TNIP1: variants seen among roughly 807,000 people sequenced by gnomAD.
TNIP1 encodes the protein TNFAIP3 interacting protein 1.
A neutral mutation model predicts 86.6 loss-of-function variants in TNIP1; 22 were observed. That is an observed-to-expected ratio of 0.25 (90% confidence interval 0.18 to 0.36). TNIP1 has a LOEUF of 0.36. TNIP1 is among the 10% of genes least tolerant of loss of function. TNIP1 has a pLI of 1.00. For synonymous variants in TNIP1, 294 were observed against 313.0 expected (o/e 0.94, Z 0.64); for missense variants, 709 against 820.6 (o/e 0.86, Z 1.66).
At chr5:151,066,522 A>G (rs1762255323) in intron 1 of TNIP1, among the ~76,000 whole-genome samples, 1 of 152,222 alleles carries the variant, frequency 6.6e-6, no homozygotes, top group Non-Finnish European at 1.5e-5. Flanking sequence ...CTGCCAGGTG[A>G]CTACGACCAT....
chr5:151,079,126 G>C (rs1230891926), intron 1 of TNIP1, among the ~76,000 whole-genome samples: 4 of 152,170 alleles, frequency 2.6e-5, no homozygotes, highest in Admixed American at 2.6e-4. Flanking sequence ...CACACTCCCA[G>C]CGGCAGCTTC....
At chr5:151,052,357 G>A (rs2113556175) in intron 6 of TNIP1, 98 bp from the exon 7 acceptor site, 2 of 978,712 alleles carry the variant, frequency 2.0e-6, no homozygotes, top group Non-Finnish European at 3.1e-6. Flanking sequence ...GCCACCCCAG[G>A]GCCCAACTCC....
At chr5:151,048,750 G>A (rs1020259531) in intron 8 of TNIP1, among the ~76,000 whole-genome samples, 1 of 152,208 alleles carries the variant, frequency 6.6e-6, no homozygotes, top group Non-Finnish European at 1.5e-5. Context: ...CCTTCCACAA[G>A]AGGGCAGACA....
At chr5:151,083,080 A>G (rs1006421302), upstream of TNIP1, among the ~76,000 whole-genome samples, 1 of 152,294 alleles carries the variant, frequency 6.6e-6, no homozygotes, top group East Asian at 1.9e-4. Flanking sequence ...TTGTCTTTAC[A>G]ATGACATGAT....
chr5:151,038,963 G>A (rs544960035), intron 12 of TNIP1, 134 bp downstream of exon 12: 45 of 1,250,214 alleles, frequency 3.6e-5, no homozygotes, highest in South Asian at 3.1e-4. Context: ...CAGAGCAGGC[G>A]GGAAACAGGA....
chr5:151,078,468 CAAAT>C (rs1408207636), intron 1 of TNIP1: 2 of 152,154 alleles, frequency 1.3e-5, no homozygotes, highest in African/African-American at 2.4e-5. Flanking sequence ...AGACAGTAAA[CAAAT>C]AAACACTAAA....
At chr5:151,060,851 C>T (rs555860214) in intron 4 of TNIP1, among the ~76,000 whole-genome samples, 1 of 152,344 alleles carries the variant, frequency 6.6e-6, no homozygotes. Flanking sequence ...TCCAGCATTC[C>T]TGCCACGGCC....
rs143845491 is a variant in TNIP1, at chr5:151,070,102, T to G, written c.-36-4971A>C. On this transcript the variant is annotated intron_variant, in intron 1 of 17. Coordinates refer to ENST00000521591, the MANE Select transcript of TNIP1 (RefSeq NM_006058.5). ...CCCTGGAGCAGCCACTCACCTTTCCTGAGCCTCAGGTGCCTCATCTGTAAA... is the reference window on the plus strand; with the variant it reads ...CCCTGGAGCAGCCACTCACCTTTCCGGAGCCTCAGGTGCCTCATCTGTAAA... Among the ~76,000 whole-genome samples, 1,356 of 152,338 alleles carry G rather than the reference T, an allele frequency of 8.9e-3. 8 individuals carry two copies. The highest frequency in any genetic ancestry group is 0.012 in the Non-Finnish European group (848 of 68,024).
rs139151510 is a variant in TNIP1, at chr5:151,039,284, TTC to T, written c.1135-61_1135-60del. 1.5e-4 allele frequency: 235 copies of T among 1,557,026 alleles called. 2 individuals carry two copies. In the African/African-American group the frequency reaches 3.0e-3, roughly 20 times the overall value. On this transcript the variant is annotated intron_variant, in intron 11 of 17. Transcript: ENST00000521591. ...GATGGCCTCTCCAGGAGGCCTCGGA[TTC>T]TCTGTCCTGCCTGGCCCAGCCCTTA...
chr5:151,078,304 A>C (rs2113834948), intron 1 of TNIP1: 1 of 152,218 alleles, frequency 6.6e-6, no homozygotes, highest in East Asian at 1.9e-4. Context: ...TCTAGGCCTT[A>C]ATTTCCTCAT....
In TNIP1 at chr5:151,030,179, C is replaced by A; in HGVS notation, c.*534G>T. On this transcript the variant is annotated 3_prime_UTR_variant, in exon 18 of 18. Transcript: ENST00000521591. ...CTACTGTGAGTGGTGGTGGAGAGGG[C>A]CCCAGAGCCAGAATATCCATCATTC... 1 of 456,454 alleles carries A rather than the reference C, an allele frequency of 2.2e-6. No individual in the cohort carries two copies. Among genetic ancestry groups the A allele is most frequent in the Non-Finnish European group, 4.4e-6 (1 of 226,642 alleles). The allele number at this position is 456,454 out of a possible 1,614,324, so 28.3% of individuals were successfully genotyped here.
chr5:151,060,495 C>G, intron 4 of TNIP1, 100 bp from the exon 5 acceptor site: 2 of 1,008,880 alleles, frequency 2.0e-6, no homozygotes, highest in Non-Finnish European at 3.1e-6. Flanking sequence ...AAATCTCTTC[C>G]CATTTTGAGT....
At chr5:151,078,851 G>A (rs1763682679) in intron 1 of TNIP1, among the ~76,000 whole-genome samples, 2 of 152,200 alleles carry the variant, frequency 1.3e-5, no homozygotes, top group South Asian at 4.1e-4. Flanking sequence ...CAGTGGGTTG[G>A]AGAGAGAGGC....
chr5:151,032,579 G>A (rs3763009), intron 16 of TNIP1, 196 bp from the exon 17 acceptor site: 193,934 of 613,578 alleles, frequency 0.32, 33,407 homozygotes, highest in Admixed American at 0.39. Flanking sequence ...CATCTAGCAA[G>A]GAGAATGGCT....
chr5:151,070,537 T>C (rs867759924), intron 1 of TNIP1, among the ~76,000 whole-genome samples: 2 of 152,172 alleles, frequency 1.3e-5, no homozygotes, highest in African/African-American at 4.8e-5. Context: ...GGACACACCA[T>C]AGCTAGTGAA....
At chr5:151,037,044 G>A in intron 12 of TNIP1, 123 bp from the exon 13 acceptor site, 1 of 1,234,286 alleles carries the variant, frequency 8.1e-7, no homozygotes. Context: ...ACCACTACCA[G>A]TCCTATTTAA....
chr5:151,046,120 C>G, intron 8 of TNIP1, 170 bp from the exon 9 acceptor site: 1 of 611,410 alleles, frequency 1.6e-6, no homozygotes, highest in Middle Eastern at 3.3e-4. Flanking sequence ...ACGTCCCCTT[C>G]TAGAAGTCTA....
intron 13 of TNIP1, 51 bp from the exon 14 acceptor site, chr5:151,035,758 AT>A: frequency 6.2e-7 from 1 of 1,606,090 alleles, no homozygotes; most frequent in Non-Finnish European, 8.5e-7. Context: ...CTGAGTGGGG[AT>A]TTCTCCTCAG....
chr5:151,035,495 A>T (rs1757578402), intron 14 of TNIP1, 87 bp downstream of exon 14: 16 of 1,590,860 alleles, frequency 1.0e-5, no homozygotes, highest in Non-Finnish European at 1.4e-5. Context: ...GGGTCCTGAC[A>T]TCCAGCCTCA....
Sources: gnomAD v4.1 joint callset for allele counts (sites outside exome capture counted in the v4.1 genomes callset) on GRCh38, gnomAD v4.1.1 for gene constraint, MANE v1.5 for transcripts, NCBI Gene and HGNC (gene_info 2026-07-23, HGNC 2026-07-21) for gene names.